TMEM178A: variants seen among roughly 807,000 people sequenced by gnomAD.
TMEM178A encodes the protein transmembrane protein 178A.
TMEM178A carries 12 observed loss-of-function variants against 29.1 expected under a neutral mutation model. The observed-to-expected ratio is 0.41, with a 90% CI of 0.26 to 0.67. The LOEUF is 0.67. Among genes scored for constraint, TMEM178A ranks in the 30% least tolerant of loss-of-function variants. The pLI, the probability that TMEM178A is intolerant of heterozygous loss-of-function variation, is 0.29. For missense variants in TMEM178A, 366 were observed against 419.1 expected (o/e 0.87, Z 1.11); for synonymous variants, 210 against 187.2 (o/e 1.12, Z -0.99).
At chr2:39,704,053 G>T in intron 1 of TMEM178A, 28 bp from the exon 2 acceptor site, 1 of 1,598,168 alleles carries the variant, frequency 6.3e-7, no homozygotes, top group Non-Finnish European at 8.6e-7. Context: ...AAGCAGACTC[G>T]TAAATCGCGT....
intron 1 of TMEM178A, among the ~76,000 whole-genome samples, chr2:39,668,953 G>C (rs895941548): frequency 2.0e-5 from 3 of 152,198 alleles, no homozygotes; most frequent in African/African-American, 7.2e-5. Flanking sequence ...TCTGACATTA[G>C]TGGCTGTGGT....
At chr2:39,674,001 T>C (rs1251218808) in intron 1 of TMEM178A, among the ~76,000 whole-genome samples, 1 of 152,186 alleles carries the variant, frequency 6.6e-6, no homozygotes, top group Non-Finnish European at 1.5e-5. Context: ...GGCTGCTGGT[T>C]AACTTGAGTT....
intron 1 of TMEM178A, among the ~76,000 whole-genome samples, chr2:39,703,517 T>A (rs1383477243): frequency 6.6e-6 from 1 of 152,224 alleles, no homozygotes; most frequent in Non-Finnish European, 1.5e-5. Context: ...TTACCCTTTT[T>A]TCTCGAGATC....
At chr2:39,734,458 T>G in the TMEM178A span, among the ~76,000 whole-genome samples, 4 of 152,244 alleles carry the variant, frequency 2.6e-5, no homozygotes, top group African/African-American at 4.8e-5. Context: ...GGTCTTATTC[T>G]CCTATTCCCA....
chr2:39,732,496 C>A, the TMEM178A span, among the ~76,000 whole-genome samples: 1 of 152,108 alleles, frequency 6.6e-6, no homozygotes, highest in Non-Finnish European at 1.5e-5. Flanking sequence ...TTTGGCTTGG[C>A]GTGTCATTAC....
the TMEM178A span, among the ~76,000 whole-genome samples, chr2:39,732,332 G>A: frequency 1.3e-3 from 201 of 152,286 alleles, 3 homozygotes; most frequent in East Asian, 0.031. Flanking sequence ...CCATGGCTAT[G>A]AGGGAGGGGT....
At chr2:39,697,245 C>T (rs1671583612) in intron 1 of TMEM178A, among the ~76,000 whole-genome samples, 1 of 152,160 alleles carries the variant, frequency 6.6e-6, no homozygotes, top group African/African-American at 2.4e-5. Flanking sequence ...AGGTCTTTCC[C>T]TGTAAGATTT....
chr2:39,682,991 CA>C (rs1670933446), intron 1 of TMEM178A, among the ~76,000 whole-genome samples: 1 of 152,188 alleles, frequency 6.6e-6, no homozygotes, highest in Non-Finnish European at 1.5e-5. Flanking sequence ...AAAGCAGATA[CA>C]GGGGGATGGC....
At chr2:39,670,936 C>G (rs1293278694) in intron 1 of TMEM178A, among the ~76,000 whole-genome samples, 1 of 151,984 alleles carries the variant, frequency 6.6e-6, no homozygotes, top group Non-Finnish European at 1.5e-5. Flanking sequence ...TACATATTAT[C>G]TGCAATAAAA....
intron 1 of TMEM178A, among the ~76,000 whole-genome samples, chr2:39,686,018 C>A (rs1278923434): frequency 6.6e-6 from 1 of 152,240 alleles, no homozygotes; most frequent in Non-Finnish European, 1.5e-5. Flanking sequence ...CGATTTCACC[C>A]CTGCACATTC....
intron 1 of TMEM178A, 80 bp downstream of exon 1, chr2:39,666,454 C>G: frequency 8.7e-7 from 1 of 1,151,692 alleles, no homozygotes; most frequent in East Asian, 3.9e-5. Flanking sequence ...GCGCCGGTCC[C>G]CGCAGCCCCC....
At chr2:39,720,463 C>A (rs574869957), downstream of TMEM178A, among the ~76,000 whole-genome samples, 1 of 152,334 alleles carries the variant, frequency 6.6e-6, no homozygotes, top group Non-Finnish European at 1.5e-5. Flanking sequence ...CTGCTGGGGA[C>A]ACCCCCTCCT....
chr2:39,732,645 A>T, the TMEM178A span, among the ~76,000 whole-genome samples: 1 of 152,328 alleles, frequency 6.6e-6, no homozygotes, highest in East Asian at 1.9e-4. Context: ...GCTTTGCTCC[A>T]AAAGCTAAGA....
At chr2:39,674,482 A>C (rs1490496030) in intron 1 of TMEM178A, among the ~76,000 whole-genome samples, 1 of 152,184 alleles carries the variant, frequency 6.6e-6, no homozygotes, top group Non-Finnish European at 1.5e-5. Context: ...CAAAGGCATA[A>C]GAATGATACA....
the TMEM178A span, among the ~76,000 whole-genome samples, chr2:39,726,866 T>C: frequency 1.3e-5 from 2 of 152,154 alleles, no homozygotes; most frequent in Admixed American, 1.3e-4. Context: ...GAGCAGGCAG[T>C]TTCTCACTGA....
chr2:39,669,377 T>C (rs2148051254), intron 1 of TMEM178A, among the ~76,000 whole-genome samples: 1 of 152,324 alleles, frequency 6.6e-6, no homozygotes, highest in Admixed American at 6.5e-5. Flanking sequence ...CTGAGAGATG[T>C]ACAGGGGATA....
At chr2:39,690,313 G>A (rs558214409) in intron 1 of TMEM178A, among the ~76,000 whole-genome samples, 1 of 152,304 alleles carries the variant, frequency 6.6e-6, no homozygotes, top group African/African-American at 2.4e-5. Flanking sequence ...TCCCTAAGTG[G>A]TGTACACAAG....
At chr2:39,671,201 G>A (rs1276683796) in intron 1 of TMEM178A, among the ~76,000 whole-genome samples, 1 of 152,094 alleles carries the variant, frequency 6.6e-6, no homozygotes, top group Non-Finnish European at 1.5e-5. Context: ...TAAGAGATTT[G>A]GTAGGAATTC....
chr2:39,670,897 C>T (rs1246060445), intron 1 of TMEM178A, among the ~76,000 whole-genome samples: 1 of 152,070 alleles, frequency 6.6e-6, no homozygotes, highest in African/African-American at 2.4e-5. Context: ...ATTATATATA[C>T]TTTGTGCATG....
Sources: allele counts gnomAD v4.1 joint callset (sites outside exome capture counted in the v4.1 genomes callset), GRCh38; gene constraint gnomAD v4.1.1; transcripts MANE v1.5; gene names NCBI Gene and HGNC (gene_info 2026-07-23, HGNC 2026-07-21).